Variants in FBXO36 observed in about 807,000 individuals in gnomAD.
FBXO36 encodes the protein F-box protein 36, also known as F-box only protein 36.
FBXO36 carries 18 observed loss-of-function variants against 17.0 expected under a neutral mutation model. That is an observed-to-expected ratio of 1.06 (90% CI 0.73 to 1.57). The LOEUF is 1.57. Among genes scored for constraint, FBXO36 ranks in the 40% most tolerant of loss-of-function variants. The pLI is 0.00. For missense variants in FBXO36, 229 were observed against 221.9 expected (o/e 1.03, Z -0.20); for synonymous variants, 83 against 85.3 (o/e 0.97, Z 0.15).
At chr2:229,993,610 T>C (rs1381354055) in intron 2 of FBXO36, among the ~76,000 whole-genome samples, 1 of 152,218 alleles carries the variant, frequency 6.6e-6, no homozygotes, top group Admixed American at 6.6e-5. Flanking sequence ...TTTGTTTTAA[T>C]ATACTTTTTT....
intron 3 of FBXO36, among the ~76,000 whole-genome samples, chr2:230,003,625 C>T (rs2077371814): frequency 6.6e-6 from 1 of 152,010 alleles, no homozygotes; most frequent in African/African-American, 2.4e-5. Flanking sequence ...CTCCACCTCC[C>T]AGGTTCAACT....
At chr2:229,935,695 T>G (rs370550196) in intron 1 of FBXO36, among the ~76,000 whole-genome samples, 1 of 152,280 alleles carries the variant, frequency 6.6e-6, no homozygotes, top group African/African-American at 2.4e-5. Flanking sequence ...TAGTGGATCT[T>G]TTGGATCCTT....
chr2:229,986,684 A>G (rs1010917842), intron 2 of FBXO36, among the ~76,000 whole-genome samples: 4 of 151,152 alleles, frequency 2.6e-5, no homozygotes, highest in African/African-American at 9.7e-5. Flanking sequence ...ACAGGCACCC[A>G]CCACCATGCC....
chr2:229,946,538 C>A (rs904605749), intron 1 of FBXO36, among the ~76,000 whole-genome samples: 1 of 152,144 alleles, frequency 6.6e-6, no homozygotes, highest in Non-Finnish European at 1.5e-5. Context: ...TGACAGCCAA[C>A]AACATGGAGT....
intron 1 of FBXO36, among the ~76,000 whole-genome samples, chr2:229,951,978 C>G (rs1416929552): frequency 6.6e-6 from 1 of 151,982 alleles, no homozygotes; most frequent in Non-Finnish European, 1.5e-5. Context: ...GTGGTCATGG[C>G]TATAACTTGG....
Position 229,976,362 on chromosome 2 carries a change from A to T in FBXO36, c.205+13A>T. ...TCACATCTTCAAGGTAAGGAACGGA[A>T]CATATTATATACCCCTGTTAAGTTC... On this transcript the variant is annotated intron_variant, in intron 2 of 3. Coordinates refer to ENST00000283946, the MANE Select transcript of FBXO36 (RefSeq NM_174899.5). 6.5e-7 allele frequency: 1 copy of T among 1,546,260 alleles called. No individual in the cohort carries two copies. The highest frequency in any genetic ancestry group is 8.9e-7 in the Non-Finnish European group (1 of 1,118,546).
chr2:230,008,623 A>G (rs2077399609), intron 3 of FBXO36, among the ~76,000 whole-genome samples: 1 of 152,198 alleles, frequency 6.6e-6, no homozygotes, highest in South Asian at 2.1e-4. Flanking sequence ...CAAATCTTGT[A>G]GTTTCCACCC....
intron 1 of FBXO36, among the ~76,000 whole-genome samples, chr2:229,958,915 A>G (rs1169602609): frequency 1.3e-5 from 2 of 152,168 alleles, no homozygotes; most frequent in African/African-American, 4.8e-5. Context: ...TGACCAAGGC[A>G]TTATTATCTC....
chr2:230,000,851 C>CTTTTT (rs71049612), intron 3 of FBXO36, among the ~76,000 whole-genome samples: 37 of 89,446 alleles, frequency 4.1e-4, no homozygotes, highest in African/African-American at 7.4e-4. Context: ...AACCACTTTT[C>CTTTTT]TTTTTTTTTT....
chr2:229,944,153 T>C (rs780142070), intron 1 of FBXO36, among the ~76,000 whole-genome samples: 2 of 152,180 alleles, frequency 1.3e-5, no homozygotes, highest in Non-Finnish European at 2.9e-5. Context: ...CTTTATAAAT[T>C]ACCCAGGTTC....
intron 2 of FBXO36, among the ~76,000 whole-genome samples, chr2:229,992,005 C>G (rs1016639738): frequency 6.6e-6 from 1 of 152,150 alleles, no homozygotes; most frequent in Non-Finnish European, 1.5e-5. Context: ...AGCAGTAAAT[C>G]CTGTGTCCTT....
intron 3 of FBXO36, among the ~76,000 whole-genome samples, chr2:229,999,894 T>C (rs2077349089): frequency 6.6e-6 from 1 of 152,084 alleles, no homozygotes; most frequent in Non-Finnish European, 1.5e-5. Flanking sequence ...CAGTATCTAT[T>C]GTTTCCTTCT....
intron 1 of FBXO36, among the ~76,000 whole-genome samples, chr2:229,966,173 C>T (rs1467796870): frequency 7.9e-5 from 12 of 152,078 alleles, no homozygotes; most frequent in Admixed American, 7.2e-4. Flanking sequence ...TGCATAAATG[C>T]CTTCTTTTGA....
chr2:229,944,502 C>G (rs1163160350), intron 1 of FBXO36, among the ~76,000 whole-genome samples: 1 of 151,538 alleles, frequency 6.6e-6, no homozygotes, highest in Admixed American at 6.6e-5. Flanking sequence ...TATTAGTACC[C>G]AAAAGTGTAG....
At position 229,946,133 on chromosome 2, in the gene FBXO36, G is replaced by C. The variant is rs576669117; in HGVS notation, c.96+23524G>C. On this transcript the variant is annotated intron_variant, in intron 1 of 3. Transcript: ENST00000283946. The stretch of plus-strand genomic sequence containing the variant: ...GGGTTGTGGTGGAGGGAAGGAAGCG[G>C]AAGCAGGTACCTGAGACCATAGGAC... 2.6e-5 allele frequency among the ~76,000 whole-genome samples: 4 copies of C among 152,262 alleles called. No individual in the cohort carries two copies. The East Asian group carries it at 7.7e-4, about 29-fold the overall frequency.
At chr2:229,928,232 TCTCTGTTTA>T (rs1486412152) in intron 1 of FBXO36, among the ~76,000 whole-genome samples, 5 of 152,226 alleles carry the variant, frequency 3.3e-5, no homozygotes, top group Non-Finnish European at 7.3e-5. Flanking sequence ...ATGCGGTGGA[TCTCTGTTTA>T]CTCAGTAGAC....
chr2:229,937,514 TA>T (rs1241842079), intron 1 of FBXO36, among the ~76,000 whole-genome samples: 5 of 152,030 alleles, frequency 3.3e-5, no homozygotes, highest in African/African-American at 1.2e-4. Flanking sequence ...AATAATAATT[TA>T]AAAAATAATA....
At chr2:230,002,983 C>T (rs936527997) in intron 3 of FBXO36, among the ~76,000 whole-genome samples, 2 of 151,832 alleles carry the variant, frequency 1.3e-5, no homozygotes, top group African/African-American at 4.8e-5. Context: ...GAGGCCGAGG[C>T]GGATGGATCA....
At chr2:229,948,420 C>A (rs2077038582) in intron 1 of FBXO36, among the ~76,000 whole-genome samples, 1 of 150,852 alleles carries the variant, frequency 6.6e-6, no homozygotes, top group African/African-American at 2.4e-5. Flanking sequence ...TTAGTACATT[C>A]TTCCTGTGGC....
Sources: allele counts gnomAD v4.1 joint callset (sites outside exome capture counted in the v4.1 genomes callset), GRCh38; gene constraint gnomAD v4.1.1; transcripts MANE v1.5; gene names NCBI Gene and HGNC (gene_info 2026-07-23, HGNC 2026-07-21).